ATRNL1: variants seen among roughly 807,000 people sequenced by gnomAD.
The protein encoded by ATRNL1 is attractin-like protein 1.
In ATRNL1, 95 loss-of-function variants were observed where a neutral mutation model predicts 182.7. That is an observed-to-expected ratio of 0.52 (90% CI 0.44 to 0.62). The LOEUF (loss-of-function observed/expected upper bound fraction) is 0.62, where lower values mean the gene tolerates loss of function less well. ATRNL1 is among the 20% of genes least tolerant of loss of function. The pLI is 0.00. For synonymous variants in ATRNL1, 576 were observed against 568.3 expected (o/e 1.01, Z -0.19); for missense variants, 1,471 against 1,679.5 (o/e 0.88, Z 2.17).
intron 21 of ATRNL1, among the ~76,000 whole-genome samples, chr10:115,426,782 C>T (rs1014297448): frequency 1.3e-5 from 2 of 152,170 alleles, no homozygotes; most frequent in Non-Finnish European, 2.9e-5. Context: ...TGGAGTGCAA[C>T]GGCACAATCT....
chr10:115,670,597 T>G (rs912339971), intron 26 of ATRNL1, among the ~76,000 whole-genome samples: 4 of 152,286 alleles, frequency 2.6e-5, no homozygotes, highest in Admixed American at 1.3e-4. Context: ...ACTGAGCAAG[T>G]AGTCTCTTTG....
At chr10:115,347,178 A>G (rs1856014519) in intron 19 of ATRNL1, among the ~76,000 whole-genome samples, 1 of 152,182 alleles carries the variant, frequency 6.6e-6, no homozygotes, top group African/African-American at 2.4e-5. Context: ...GACAAGCCAA[A>G]GTAAAGGCAA....
intron 26 of ATRNL1, among the ~76,000 whole-genome samples, chr10:115,627,277 A>G (rs928639093): frequency 1.3e-5 from 2 of 152,200 alleles, no homozygotes; most frequent in Non-Finnish European, 2.9e-5. Flanking sequence ...TTTCACATAA[A>G]TAGAATTACA....
chr10:115,889,565 C>T (rs1952031159), intron 28 of ATRNL1, among the ~76,000 whole-genome samples: 1 of 152,164 alleles, frequency 6.6e-6, no homozygotes, highest in African/African-American at 2.4e-5. Flanking sequence ...GAATAACGCC[C>T]ATGTGCTGGA....
chr10:115,787,114 G>A (rs1056658216), intron 27 of ATRNL1, among the ~76,000 whole-genome samples: 2 of 152,236 alleles, frequency 1.3e-5, no homozygotes, highest in East Asian at 3.9e-4. Context: ...TGGTTACCTA[G>A]CCTGGGATTT....
At chr10:115,566,843 T>C (rs1473903793) in intron 26 of ATRNL1, among the ~76,000 whole-genome samples, 2 of 151,934 alleles carry the variant, frequency 1.3e-5, no homozygotes, top group Non-Finnish European at 2.9e-5. Context: ...AGGAGGCTAA[T>C]TGTGGCTGTA....
At chr10:115,330,596 G>T (rs146048590) in intron 18 of ATRNL1, among the ~76,000 whole-genome samples, 3 of 150,114 alleles carry the variant, frequency 2.0e-5, no homozygotes, top group Non-Finnish European at 3.0e-5. Flanking sequence ...ATGTCATCCC[G>T]CTCTCTCTTG....
chr10:115,694,766 A>G (rs1443059714), intron 26 of ATRNL1, among the ~76,000 whole-genome samples: 1 of 152,094 alleles, frequency 6.6e-6, no homozygotes, highest in African/African-American at 2.4e-5. Context: ...AGGTGGGAAT[A>G]AGGCATTTTC....
At chr10:115,365,581 C>G (rs1156543988) in intron 19 of ATRNL1, among the ~76,000 whole-genome samples, 1 of 151,988 alleles carries the variant, frequency 6.6e-6, no homozygotes, top group Non-Finnish European at 1.5e-5. Flanking sequence ...TGTGTTTGCC[C>G]TTGCTTTTCT....
intron 26 of ATRNL1, among the ~76,000 whole-genome samples, chr10:115,696,909 TA>T (rs1275719569): frequency 6.9e-5 from 9 of 130,412 alleles, no homozygotes; most frequent in East Asian, 2.3e-4. Context: ...GCGAGCGAGC[TA>T]GGGGGGAAAT....
chr10:115,683,702 C>T (rs2804148), intron 26 of ATRNL1, among the ~76,000 whole-genome samples: 26,673 of 151,450 alleles, frequency 0.18, 2,905 homozygotes, highest in East Asian at 0.37. Context: ...AACTTACCTC[C>T]AAAACCCAGA....
At chr10:115,152,194 T>C (rs370952137) in intron 5 of ATRNL1, among the ~76,000 whole-genome samples, 1 of 152,168 alleles carries the variant, frequency 6.6e-6, no homozygotes, top group East Asian at 1.9e-4. Context: ...CTTGGCAATG[T>C]GGGCTCTTTT....
chr10:115,796,612 C>T (rs1433904398), intron 27 of ATRNL1, among the ~76,000 whole-genome samples: 1 of 152,174 alleles, frequency 6.6e-6, no homozygotes, highest in East Asian at 1.9e-4. Flanking sequence ...AAATTAACCT[C>T]ATTCAAGTGG....
At position 115,187,960 on chromosome 10, in the gene ATRNL1, G is replaced by A. The variant is rs573195077; in HGVS notation, c.1348+16668G>A. On this transcript the variant is annotated intron_variant, in intron 8 of 28. Transcript: ENST00000355044. ...CTCCCAAAGTGCTGGGATTATAGGC[G>A]TGAGCCACCGCACCCAGCTGGTTCT... Among the ~76,000 whole-genome samples, 9 of 150,442 alleles carry A rather than the reference G, an allele frequency of 6.0e-5. No individual in the cohort carries two copies. The East Asian group carries it at 7.9e-4, about 13-fold the overall frequency.
At chr10:115,493,628 C>T (rs782628143) in intron 24 of ATRNL1, among the ~76,000 whole-genome samples, 1 of 152,110 alleles carries the variant, frequency 6.6e-6, no homozygotes, top group Non-Finnish European at 1.5e-5. Flanking sequence ...TGGGTACATA[C>T]CCAATAATGG....
chr10:115,326,404 C>T (rs1854884198), intron 18 of ATRNL1, among the ~76,000 whole-genome samples: 1 of 152,030 alleles, frequency 6.6e-6, no homozygotes, highest in African/African-American at 2.4e-5. Flanking sequence ...TCAAGGAGAA[C>T]TACAAACCAC....
chr10:115,691,586 G>A (rs1016316619), intron 26 of ATRNL1, among the ~76,000 whole-genome samples: 2 of 152,134 alleles, frequency 1.3e-5, no homozygotes, highest in African/African-American at 4.8e-5. Context: ...GCTGAGCATG[G>A]TGGTGCATGC....
intron 24 of ATRNL1, among the ~76,000 whole-genome samples, chr10:115,481,169 T>C (rs1349769685): frequency 6.6e-6 from 1 of 150,524 alleles, no homozygotes; most frequent in Non-Finnish European, 1.5e-5. Flanking sequence ...TACCCTGGTT[T>C]TTATATAACA....
chr10:115,316,753 C>T (rs1007037593), intron 18 of ATRNL1, among the ~76,000 whole-genome samples: 7 of 151,714 alleles, frequency 4.6e-5, no homozygotes, highest in Admixed American at 1.3e-4. Context: ...CAGTTTTTTA[C>T]GGAGTTGTTC....
Sources: allele counts gnomAD v4.1 joint callset (sites outside exome capture counted in the v4.1 genomes callset), GRCh38; gene constraint gnomAD v4.1.1; transcripts MANE v1.5; gene names NCBI Gene and HGNC (gene_info 2026-07-23, HGNC 2026-07-21).